Variants in UNC5D observed in about 807,000 individuals in gnomAD.
UNC5D encodes the protein netrin receptor UNC5D.
UNC5D carries 39 observed loss-of-function variants against 105.4 expected under a neutral mutation model. That is an observed-to-expected ratio of 0.37 (90% CI 0.29 to 0.48). The LOEUF (loss-of-function observed/expected upper bound fraction) is 0.48, where lower values mean the gene tolerates loss of function less well. Ranked by LOEUF, UNC5D falls within the 20% of genes least tolerant of loss-of-function variation. The pLI is 0.98. For missense variants in UNC5D, 991 were observed against 1,202.4 expected, an observed-to-expected ratio of 0.82 and a Z score of 2.60; for synonymous variants, 452 against 450.4, an observed-to-expected ratio of 1.00 and a Z score of -0.04.
intron 1 of UNC5D, among the ~76,000 whole-genome samples, chr8:35,328,845 C>A (rs933719290): frequency 1.3e-5 from 2 of 152,078 alleles, no homozygotes; most frequent in African/African-American, 2.4e-5. Context: ...TTTCATGATG[C>A]GTTTTGGAAG....
intron 1 of UNC5D, among the ~76,000 whole-genome samples, chr8:35,513,404 C>T (rs1007399601): frequency 6.6e-6 from 1 of 151,734 alleles, no homozygotes; most frequent in African/African-American, 2.4e-5. Flanking sequence ...GATTTTTTTG[C>T]ATTTAGTAGA....
rs373284235 is a variant in UNC5D at position 35,549,365 on chromosome 8, G to A, written c.177G>A (p.Glu59=). The A allele has an allele frequency of 1.8e-5, 29 of 1,613,478 alleles. No homozygotes were observed. The Admixed American group carries it at 2.7e-4, about 15-fold the overall frequency. The change falls in exon 2 of 17, where the codon GAG becomes GAA. Residue 59 remains glutamate, a synonymous_variant. Transcript: ENST00000404895. ...APGTLPHFIE[E]PDDAYIIKSN... ...GGACACTGCCTCATTTCATAGAGGAGCCAGATGATGCTTATATTATCAAGA... is the reference window on the plus strand; with the variant it reads ...GGACACTGCCTCATTTCATAGAGGAACCAGATGATGCTTATATTATCAAGA...
intron 1 of UNC5D, among the ~76,000 whole-genome samples, chr8:35,497,601 A>C (rs571693582): frequency 6.6e-6 from 1 of 152,084 alleles, no homozygotes; most frequent in Non-Finnish European, 1.5e-5. Flanking sequence ...TTGGACAGCC[A>C]ATGGAAATAT....
intron 1 of UNC5D, among the ~76,000 whole-genome samples, chr8:35,427,086 T>C (rs1374465650): frequency 6.6e-6 from 1 of 152,216 alleles, no homozygotes; most frequent in Admixed American, 6.5e-5. Flanking sequence ...CCAAACAGCT[T>C]TTAGTAGAAG....
chr8:35,596,888 C>T (rs1207093837), intron 4 of UNC5D, among the ~76,000 whole-genome samples: 1 of 152,064 alleles, frequency 6.6e-6, no homozygotes, highest in African/African-American at 2.4e-5. Flanking sequence ...TTGACTTTTC[C>T]CTTTAGCTTA....
At chr8:35,307,408 A>G (rs2128876100) in intron 1 of UNC5D, among the ~76,000 whole-genome samples, 1 of 152,272 alleles carries the variant, frequency 6.6e-6, no homozygotes, top group East Asian at 1.9e-4. Flanking sequence ...TGAGGGGCCT[A>G]GGTGAGGAGG....
intron 1 of UNC5D, among the ~76,000 whole-genome samples, chr8:35,335,753 G>A (rs992749665): frequency 8.4e-6 from 1 of 119,238 alleles, no homozygotes; most frequent in African/African-American, 3.6e-5. Flanking sequence ...ATGAGAGATT[G>A]CAATTTTTTT....
intron 4 of UNC5D, among the ~76,000 whole-genome samples, chr8:35,595,966 T>G (rs1014025941): frequency 6.6e-6 from 1 of 152,210 alleles, no homozygotes; most frequent in African/African-American, 2.4e-5. Flanking sequence ...AGTCAAGATC[T>G]TCTGATATGC....
At chr8:35,547,338 C>T (rs1815769115) in intron 1 of UNC5D, among the ~76,000 whole-genome samples, 1 of 143,450 alleles carries the variant, frequency 7.0e-6, no homozygotes, top group Admixed American at 7.1e-5. Flanking sequence ...GTTGCCCAGG[C>T]TGGAGGCTGG....
intron 1 of UNC5D, among the ~76,000 whole-genome samples, chr8:35,335,351 T>G (rs1416378118): frequency 6.6e-6 from 1 of 152,200 alleles, no homozygotes; most frequent in Non-Finnish European, 1.5e-5. Context: ...GGCTTTAAAT[T>G]TCTGTTCTAT....
At chr8:35,289,449 C>T (rs1563283635) in intron 1 of UNC5D, among the ~76,000 whole-genome samples, 1 of 152,102 alleles carries the variant, frequency 6.6e-6, no homozygotes, top group Non-Finnish European at 1.5e-5. Context: ...ATGGACAGAT[C>T]ATCTAGATGG....
At chr8:35,751,665 G>A (rs1469934556) in intron 13 of UNC5D, among the ~76,000 whole-genome samples, 1 of 152,090 alleles carries the variant, frequency 6.6e-6, no homozygotes, top group Non-Finnish European at 1.5e-5. Context: ...GGTTTGACTG[G>A]GATACCTACC....
At chr8:35,307,739 T>C (rs2128876293) in intron 1 of UNC5D, among the ~76,000 whole-genome samples, 1 of 152,144 alleles carries the variant, frequency 6.6e-6, no homozygotes, top group Admixed American at 6.6e-5. Flanking sequence ...TTTGGGTAGG[T>C]GAGGGGAAAA....
At chr8:35,408,083 C>G (rs1262331523) in intron 1 of UNC5D, among the ~76,000 whole-genome samples, 1 of 152,050 alleles carries the variant, frequency 6.6e-6, no homozygotes, top group Non-Finnish European at 1.5e-5. Context: ...AAAATTAGCT[C>G]TCTGTCAGAG....
Position 35,585,261 on chromosome 8 carries a change from C to T in UNC5D, c.467-10293C>T, listed in dbSNP as rs75195844. 6.2e-3 allele frequency among the ~76,000 whole-genome samples: 948 copies of T among 152,276 alleles called. 4 individuals are homozygous for T. The highest frequency in any genetic ancestry group is 0.022 in the African/African-American group (914 of 41,550). The stretch of plus-strand genomic sequence containing the variant: ...CAAAGGCCCAAAGTTATTTTATGGT[C>T]CTAGAAACAGCCTTGAGGAGCGTCA... On this transcript the variant is annotated intron_variant, in intron 3 of 16. Coordinates refer to ENST00000404895, the MANE Select transcript of UNC5D (RefSeq NM_080872.4).
chr8:35,662,478 G>A (rs1057264111), intron 4 of UNC5D, among the ~76,000 whole-genome samples: 7 of 152,154 alleles, frequency 4.6e-5, no homozygotes, highest in African/African-American at 1.4e-4. Context: ...AAAAAAATGA[G>A]CTTTAAGAGA....
At chr8:35,529,887 A>G (rs1251073957) in intron 1 of UNC5D, among the ~76,000 whole-genome samples, 1 of 149,914 alleles carries the variant, frequency 6.7e-6, no homozygotes, top group African/African-American at 2.5e-5. Flanking sequence ...ATTTTTGTAC[A>G]TTGATTTTGT....
At chr8:35,304,867 A>G (rs79101375) in intron 1 of UNC5D, among the ~76,000 whole-genome samples, 3,590 of 152,228 alleles carry the variant, frequency 0.024, 148 homozygotes, top group African/African-American at 0.083. Flanking sequence ...TGGGAGAAAA[A>G]TAAATTACTT....
At chr8:35,400,039 A>G (rs989422584) in intron 1 of UNC5D, among the ~76,000 whole-genome samples, 1 of 152,140 alleles carries the variant, frequency 6.6e-6, no homozygotes, top group African/African-American at 2.4e-5. Context: ...GCCTGGAGCA[A>G]TAGCAGGCCC....
Sources: gnomAD v4.1 joint callset for allele counts (sites outside exome capture counted in the v4.1 genomes callset) on GRCh38, gnomAD v4.1.1 for gene constraint, MANE v1.5 for transcripts, NCBI Gene and HGNC (gene_info 2026-07-23, HGNC 2026-07-21) for gene names.